Variants in BCAP29 observed in about 807,000 individuals in gnomAD.
BCAP29 encodes B cell receptor associated protein 29.
A neutral mutation model predicts 31.8 loss-of-function variants in BCAP29; 34 were observed. The ratio of observed to expected loss-of-function variants is 1.07; its 90% CI spans 0.81 to 1.42. The LOEUF is 1.42. BCAP29 is among the 40% of genes most tolerant of loss of function. BCAP29 has a pLI of 0.00. For missense variants in BCAP29, 314 were observed against 269.2 expected (o/e 1.17, Z -1.16); for synonymous variants, 104 against 91.3 (o/e 1.14, Z -0.79).
chr7:107,584,479 C>T (rs1333567185), intron 3 of BCAP29, among the ~76,000 whole-genome samples: 2 of 152,116 alleles, frequency 1.3e-5, no homozygotes, highest in Non-Finnish European at 2.9e-5. Context: ...GAGGCCAAGG[C>T]GGGAGGATTG....
At chr7:107,597,937 G>A (rs756395693) in intron 5 of BCAP29, among the ~76,000 whole-genome samples, 4 of 151,958 alleles carry the variant, frequency 2.6e-5, no homozygotes, top group East Asian at 1.9e-4. Context: ...TTCCAGCCAC[G>A]TAACTTAACC....
intron 5 of BCAP29, 48 bp downstream of exon 5, chr7:107,596,050 G>A (rs1194275374): frequency 6.8e-7 from 1 of 1,476,186 alleles, no homozygotes; most frequent in Non-Finnish European, 9.0e-7. Context: ...TGTTCCCGAG[G>A]AGTAATGTAT....
chr7:107,591,593 T>A (rs550496012), intron 3 of BCAP29, among the ~76,000 whole-genome samples: 3 of 116,740 alleles, frequency 2.6e-5, no homozygotes, highest in East Asian at 5.0e-4. Flanking sequence ...TCTCTCTCTC[T>A]CTTTCTCTCT....
intron 2 of BCAP29, among the ~76,000 whole-genome samples, chr7:107,581,470 T>G (rs917059116): frequency 4.6e-5 from 7 of 152,236 alleles, no homozygotes; most frequent in African/African-American, 1.7e-4. Flanking sequence ...TTCTAAGGTC[T>G]TGAAGAACCA....
At chr7:107,580,612 C>G (rs1265519476) in intron 1 of BCAP29, 147 bp from the exon 2 acceptor site, 1 of 581,490 alleles carries the variant, frequency 1.7e-6, no homozygotes, top group African/African-American at 2.0e-5. Context: ...ACCCTTTTCC[C>G]CTTCCTGACC....
intron 6 of BCAP29, chr7:107,603,613 T>A (rs1811566821): frequency 6.7e-6 from 1 of 148,958 alleles, no homozygotes; most frequent in Non-Finnish European, 1.5e-5. Context: ...AATTTTTTTT[T>A]TTTTTTTTTT....
intron 7 of BCAP29, among the ~76,000 whole-genome samples, chr7:107,616,689 G>A (rs2129294585): frequency 6.6e-6 from 1 of 152,050 alleles, no homozygotes; most frequent in African/African-American, 2.4e-5. Context: ...TCCAATATGA[G>A]ACCCTGTATA....
chr7:107,619,276 T>C lies in BCAP29; in HGVS notation c.*913T>C, dbSNP rs68170813. Reference sequence around the variant, plus strand: ...ACACAGTCTTTCTACAATGTTTCTGTATTCTGAAAGCTAAATATTAAGTAC... The same window carrying C: ...ACACAGTCTTTCTACAATGTTTCTGCATTCTGAAAGCTAAATATTAAGTAC... On this transcript the variant is annotated 3_prime_UTR_variant, in exon 8 of 8. Coordinates refer to ENST00000005259, the MANE Select transcript of BCAP29 (RefSeq NM_018844.4). 0.18 allele frequency: 26,747 copies of C among 152,466 alleles called. 2,942 individuals carry two copies. The highest frequency in any genetic ancestry group is 0.25 in the Non-Finnish European group (16,781 of 67,866). 9.4% of individuals were successfully genotyped at this position (152,466 alleles called of 1,614,324 possible).
At chr7:107,617,825 T>C (rs150030885) in intron 7 of BCAP29, among the ~76,000 whole-genome samples, 1 of 151,772 alleles carries the variant, frequency 6.6e-6, no homozygotes, top group African/African-American at 2.4e-5. Flanking sequence ...AGACATTTAC[T>C]TTCTTAGCAC....
At chr7:107,612,883 A>G (rs1189627072) in intron 6 of BCAP29, among the ~76,000 whole-genome samples, 2 of 152,140 alleles carry the variant, frequency 1.3e-5, no homozygotes, top group African/African-American at 2.4e-5. Context: ...GATTAAAAGA[A>G]ATTAAAGAGA....
chr7:107,600,611 A>G (rs2129256323), intron 6 of BCAP29, 106 bp downstream of exon 6: 1 of 606,962 alleles, frequency 1.6e-6, no homozygotes. Context: ...TGTTCTTCTA[A>G]GATACCGAGA....
rs985065682 is a variant in BCAP29 at position 107,606,647 on chromosome 7, G to T, written c.589+6142G>T. Among the ~76,000 whole-genome samples, 3 of 152,306 alleles carry T rather than the reference G, an allele frequency of 2.0e-5. No individual in the cohort carries two copies. In the East Asian group the frequency reaches 5.8e-4, roughly 29 times the overall value. On this transcript the variant is annotated intron_variant, in intron 6 of 7. Transcript: ENST00000005259. ...AATGTAGGGCATTGGGAGAAGAGAG[G>T]ATATGCCAGTAAACAGAACCAATTC... is the stretch of plus-strand genomic sequence containing the variant.
intron 3 of BCAP29, among the ~76,000 whole-genome samples, chr7:107,584,499 A>T (rs1246698020): frequency 1.3e-5 from 2 of 152,208 alleles, no homozygotes; most frequent in African/African-American, 4.8e-5. Flanking sequence ...GCCTGAGTCC[A>T]GGAGTTTGAG....
chr7:107,604,304 G>A (rs1811693135), intron 6 of BCAP29, among the ~76,000 whole-genome samples: 3 of 152,162 alleles, frequency 2.0e-5, no homozygotes, highest in South Asian at 2.1e-4. Flanking sequence ...AGTTAACATA[G>A]GGACCAGATA....
intron 3 of BCAP29, among the ~76,000 whole-genome samples, chr7:107,592,862 T>A (rs1283232065): frequency 6.6e-6 from 1 of 152,222 alleles, no homozygotes; most frequent in Admixed American, 6.5e-5. Flanking sequence ...TCAGTTTATA[T>A]GAAATGTCTA....
chr7:107,596,125 T>A (rs1323037922), intron 5 of BCAP29, 123 bp downstream of exon 5: 1 of 792,048 alleles, frequency 1.3e-6, no homozygotes, highest in South Asian at 2.4e-5. Flanking sequence ...TAATTAACAA[T>A]ATTTTATGTA....
chr7:107,596,831 G>A (rs1395266028), intron 5 of BCAP29, among the ~76,000 whole-genome samples: 4 of 152,064 alleles, frequency 2.6e-5, no homozygotes, highest in Non-Finnish European at 2.9e-5. Flanking sequence ...AAATACTTTT[G>A]CAACTTTTCT....
At chr7:107,599,128 TA>T (rs1184915315) in intron 5 of BCAP29, among the ~76,000 whole-genome samples, 13 of 127,066 alleles carry the variant, frequency 1.0e-4, no homozygotes, top group East Asian at 6.3e-4. Context: ...ATAAATATAT[TA>T]AAAATTTATA....
At chr7:107,586,754 G>A (rs374231012) in intron 3 of BCAP29, among the ~76,000 whole-genome samples, 2 of 145,018 alleles carry the variant, frequency 1.4e-5, no homozygotes, top group East Asian at 4.0e-4. Flanking sequence ...TTGTGACGGG[G>A]TCTCACTCTG....
Sources: allele counts gnomAD v4.1 joint callset (sites outside exome capture counted in the v4.1 genomes callset), GRCh38; gene constraint gnomAD v4.1.1; transcripts MANE v1.5; gene names NCBI Gene and HGNC (gene_info 2026-07-23, HGNC 2026-07-21).